ZNF567: variants seen among roughly 807,000 people sequenced by gnomAD.
The protein encoded by ZNF567 is zinc finger protein 567.
A neutral mutation model predicts 53.9 loss-of-function variants in ZNF567; 36 were observed. The observed-to-expected ratio is 0.67, with a 90% CI of 0.51 to 0.88. ZNF567 has a LOEUF of 0.88. Among genes scored for constraint, ZNF567 ranks in the 40% least tolerant of loss-of-function variants. ZNF567 has a pLI of 0.00. For missense variants in ZNF567, 619 were observed against 764.7 expected (o/e 0.81, Z 2.25); for synonymous variants, 224 against 260.4 (o/e 0.86, Z 1.35).
intron 3 of ZNF567, among the ~76,000 whole-genome samples, chr19:36,700,987 C>T (rs950750612): frequency 6.6e-6 from 1 of 151,772 alleles, no homozygotes; most frequent in South Asian, 2.1e-4. Flanking sequence ...TTTGCTCTTG[C>T]TTCTCTAGTT....
chr19:36,699,513 A>G (rs1382703372), intron 3 of ZNF567, among the ~76,000 whole-genome samples: 1 of 152,220 alleles, frequency 6.6e-6, no homozygotes, highest in Non-Finnish European at 1.5e-5. Flanking sequence ...TACCTTGGTC[A>G]GTATGGCCAT....
intron 3 of ZNF567, among the ~76,000 whole-genome samples, chr19:36,699,343 A>G (rs573611583): frequency 5.9e-5 from 9 of 152,286 alleles, no homozygotes; most frequent in African/African-American, 1.7e-4. Flanking sequence ...TATAGTTTGA[A>G]GTCAGGTAGC....
At chr19:36,667,802 A>G in the ZNF567 span, among the ~76,000 whole-genome samples, 2 of 151,008 alleles carry the variant, frequency 1.3e-5, no homozygotes, top group Non-Finnish European at 3.0e-5. Flanking sequence ...GGCGCCCGCC[A>G]CCTCGCCCGG....
At chr19:36,682,233 T>C in the ZNF567 span, among the ~76,000 whole-genome samples, 9 of 144,060 alleles carry the variant, frequency 6.2e-5, no homozygotes, top group African/African-American at 2.3e-4. Context: ...CAGTGAGCTA[T>C]GATAGTGTCA....
chr19:36,704,506 T>C (rs75795229), intron 3 of ZNF567, among the ~76,000 whole-genome samples: 4,957 of 152,276 alleles, frequency 0.033, 121 homozygotes, highest in East Asian at 0.069. Context: ...TTAATATTAC[T>C]ATAATGAATT....
At chr19:36,677,093 TGTG>T in the ZNF567 span, among the ~76,000 whole-genome samples, 1 of 139,602 alleles carries the variant, frequency 7.2e-6, no homozygotes, top group Non-Finnish European at 1.5e-5. Flanking sequence ...AGGCAGAGGT[TGTG>T]GTGAGCCAAG....
intron 3 of ZNF567, among the ~76,000 whole-genome samples, chr19:36,706,677 T>G (rs1174769855): frequency 8.1e-6 from 1 of 123,698 alleles, no homozygotes; most frequent in Non-Finnish European, 1.7e-5. Context: ...TGGTTTTTTT[T>G]TTTGTTTTTT....
intron 3 of ZNF567, among the ~76,000 whole-genome samples, chr19:36,699,597 T>C (rs969044340): frequency 2.6e-5 from 4 of 152,186 alleles, no homozygotes; most frequent in Admixed American, 6.5e-5. Context: ...TTTTATTTCA[T>C]TGAGCAGTGG....
At chr19:36,677,770 AAAAT>A in the ZNF567 span, among the ~76,000 whole-genome samples, 2 of 152,202 alleles carry the variant, frequency 1.3e-5, no homozygotes, top group East Asian at 1.9e-4. Context: ...CCAACTCAAA[AAAAT>A]AAATAAAATA....
the ZNF567 span, among the ~76,000 whole-genome samples, chr19:36,677,789 T>A: frequency 5.9e-5 from 9 of 152,100 alleles, no homozygotes; most frequent in Admixed American, 3.3e-4. Flanking sequence ...AAAATAAAAA[T>A]TTTTAAAGAA....
At chr19:36,723,101 G>A, downstream of ZNF567, 1 of 686,498 alleles carries the variant, frequency 1.5e-6, no homozygotes, top group Admixed American at 2.1e-5. Context: ...ATTTATAGGG[G>A]AGTTATATAC....
chr19:36,695,696 TA>T (rs35481709), intron 3 of ZNF567, among the ~76,000 whole-genome samples: 1,526 of 144,662 alleles, frequency 0.011, 19 homozygotes, highest in Admixed American at 0.041. Context: ...CTCTCTTTAT[TA>T]AAAAAAAAAA....
chr19:36,715,524 T>A (rs867175911), intron 5 of ZNF567, among the ~76,000 whole-genome samples: 86 of 135,808 alleles, frequency 6.3e-4, no homozygotes, highest in Admixed American at 4.2e-3. Flanking sequence ...TTATTATTAT[T>A]ATTATTATTA....
the ZNF567 span, among the ~76,000 whole-genome samples, chr19:36,673,992 G>A: frequency 1.3e-5 from 2 of 151,988 alleles, no homozygotes; most frequent in Non-Finnish European, 2.9e-5. Context: ...TATCCCACCC[G>A]CTTCACAAAG....
At chr19:36,674,857 G>A in the ZNF567 span, among the ~76,000 whole-genome samples, 14 of 152,066 alleles carry the variant, frequency 9.2e-5, no homozygotes, top group Admixed American at 3.3e-4. Context: ...GGGCTCAAGC[G>A]ATTCTCGTGC....
At chr19:36,675,504 C>G in the ZNF567 span, among the ~76,000 whole-genome samples, 2 of 152,042 alleles carry the variant, frequency 1.3e-5, no homozygotes, top group African/African-American at 4.8e-5. Context: ...GAAACCCTGT[C>G]TCTACTAAAA....
chr19:36,714,248 G>T (rs941817157), intron 5 of ZNF567: 1 of 283,858 alleles, frequency 3.5e-6, no homozygotes, highest in Non-Finnish European at 6.5e-6. Flanking sequence ...TGCAACCTCC[G>T]CCTCCCAGGT....
chr19:36,712,475 T>A lies in ZNF567; in HGVS notation c.99T>A (p.Asp33Glu). ...ATGCTCAGAAGACTCTATATATGGA[T>A]GTGATGTTGGAAAACTATTGCCACC... is the stretch of plus-strand genomic sequence containing the variant. ...LDHAQKTLYM[D>E]VMLENYCHLI... The change falls in exon 4 of 6, where the codon GAT becomes GAA. Residue 33 changes from aspartate (D) to glutamate (E), a missense_variant. Transcript: ENST00000682579. 6.2e-7 allele frequency: 1 copy of A among 1,614,154 alleles called. No individual in the cohort carries two copies. Among genetic ancestry groups the A allele is most frequent in the Non-Finnish European group, 8.5e-7 (1 of 1,179,998 alleles).
Position 36,691,972 on chromosome 19 carries a change from C to CATGT in ZNF567, c.-67+2478_-67+2481dup, listed in dbSNP as rs1568683111. Among the ~76,000 whole-genome samples the CATGT allele has an allele frequency of 2.0e-5, 3 of 152,304 alleles. No individual in the cohort carries two copies. The East Asian group carries it at 5.8e-4, about 29-fold the overall frequency. ...ATGTTGCAATTCACTCATATTATTGCATGTATCATTGCTTCATTCTTCTTA... is the reference window on the plus strand; with the variant it reads ...ATGTTGCAATTCACTCATATTATTGCATGTATGTATCATTGCTTCATTCTTCTTA... On this transcript the variant is annotated intron_variant, in intron 2 of 5. Transcript: ENST00000682579.
Sources: allele counts gnomAD v4.1 joint callset (sites outside exome capture counted in the v4.1 genomes callset), GRCh38; gene constraint gnomAD v4.1.1; transcripts MANE v1.5; gene names NCBI Gene and HGNC (gene_info 2026-07-23, HGNC 2026-07-21).